MAN2A1: variants seen among roughly 807,000 people sequenced by gnomAD.
The protein encoded by MAN2A1 is mannosidase alpha class 2A member 1, also known as alpha-mannosidase 2.
A neutral mutation model predicts 142.6 loss-of-function variants in MAN2A1; 76 were observed. The ratio of observed to expected loss-of-function variants is 0.53; its 90% CI spans 0.44 to 0.65. The LOEUF (loss-of-function observed/expected upper bound fraction) is 0.65. Ranked by LOEUF, MAN2A1 falls within the 30% of genes least tolerant of loss-of-function variation. The pLI, the probability that MAN2A1 is intolerant of heterozygous loss-of-function variation, is 0.00. For synonymous variants in MAN2A1, 559 were observed against 473.2 expected (o/e 1.18, Z -2.35); for missense variants, 1,311 against 1,365.1 (o/e 0.96, Z 0.62).
At chr5:109,786,799 A>G (rs1753606068) in intron 10 of MAN2A1, among the ~76,000 whole-genome samples, 1 of 152,040 alleles carries the variant, frequency 6.6e-6, no homozygotes, top group African/African-American at 2.4e-5. Flanking sequence ...AAGTTTATGA[A>G]TTAGGGGTGC....
At chr5:109,815,033 G>A (rs1043910022) in intron 12 of MAN2A1, among the ~76,000 whole-genome samples, 12 of 152,074 alleles carry the variant, frequency 7.9e-5, no homozygotes, top group African/African-American at 1.9e-4. Context: ...TAAGCCTCTG[G>A]GAACATGGGT....
intron 4 of MAN2A1, among the ~76,000 whole-genome samples, chr5:109,735,884 T>TTG (rs1331426602): frequency 6.7e-6 from 1 of 148,154 alleles, no homozygotes; most frequent in South Asian, 2.1e-4. Flanking sequence ...TGGAGTTTTT[T>TTG]TTTTTTTTTT....
At chr5:109,815,130 C>T (rs998170981) in intron 12 of MAN2A1, among the ~76,000 whole-genome samples, 1 of 152,136 alleles carries the variant, frequency 6.6e-6, no homozygotes, top group African/African-American at 2.4e-5. Context: ...TTTTCTTCCC[C>T]ATTGCACCTT....
chr5:109,833,686 CTG>C (rs1318745336), intron 16 of MAN2A1, among the ~76,000 whole-genome samples: 2 of 59,596 alleles, frequency 3.4e-5, no homozygotes, highest in Non-Finnish European at 6.1e-5. Flanking sequence ...GAGAGGGAGA[CTG>C]TGGGGAGGGG....
chr5:109,787,775 G>C (rs938775102), intron 10 of MAN2A1, among the ~76,000 whole-genome samples: 2 of 151,822 alleles, frequency 1.3e-5, no homozygotes, highest in Admixed American at 6.6e-5. Context: ...TTAGATTGAG[G>C]GTCTTGCTGT....
intron 12 of MAN2A1, among the ~76,000 whole-genome samples, chr5:109,796,804 G>A (rs1753875116): frequency 6.6e-6 from 1 of 152,190 alleles, no homozygotes; most frequent in Non-Finnish European, 1.5e-5. Context: ...ATCCATGCAT[G>A]TGAGCCTATT....
intron 2 of MAN2A1, 123 bp downstream of exon 2, chr5:109,713,897 T>C: frequency 2.3e-6 from 2 of 859,440 alleles, no homozygotes; most frequent in Non-Finnish European, 3.5e-6. Flanking sequence ...GTTTCTCTTT[T>C]TGTAAAGTAT....
At chr5:109,822,779 G>T (rs1319168189) in intron 15 of MAN2A1, among the ~76,000 whole-genome samples, 6 of 151,976 alleles carry the variant, frequency 3.9e-5, no homozygotes, top group South Asian at 4.1e-4. Flanking sequence ...CTGGGTTCAC[G>T]CCATTTTCCT....
Position 109,867,855 on chromosome 5 carries a change from T to A in MAN2A1, c.*857T>A, listed in dbSNP as rs1755924375. ...ATGTGCCTTATTTTTTTATAAGTCT[T>A]GTTAAATCAGTGTCCATATTACTGT... On this transcript the variant is annotated 3_prime_UTR_variant, in exon 22 of 22. Coordinates refer to ENST00000261483, the MANE Select transcript of MAN2A1 (RefSeq NM_002372.4). 1 of 152,150 alleles carries A rather than the reference T, an allele frequency of 6.6e-6. No homozygotes were observed. The highest frequency in any genetic ancestry group is 2.4e-5 in the African/African-American group (1 of 41,436). 9.4% of individuals were successfully genotyped at this position (152,150 alleles called of 1,614,324 possible).
At chr5:109,851,696 T>C (rs1007302946) in intron 19 of MAN2A1, among the ~76,000 whole-genome samples, 5 of 152,140 alleles carry the variant, frequency 3.3e-5, no homozygotes, top group Non-Finnish European at 7.4e-5. Context: ...AAACAGGCAT[T>C]GACGGCTTTA....
chr5:109,737,139 G>T (rs1752125774), intron 4 of MAN2A1, among the ~76,000 whole-genome samples: 1 of 135,530 alleles, frequency 7.4e-6, no homozygotes, highest in Admixed American at 8.4e-5. Context: ...TGTCACCCAG[G>T]CTGAAGTGCA....
In MAN2A1 at chr5:109,833,471, C is replaced by A. The variant is rs569968427; in HGVS notation, c.2567-8857C>A. Among the ~76,000 whole-genome samples the A allele has an allele frequency of 2.0e-5, 3 of 152,258 alleles. No homozygotes were observed. The South Asian group carries it at 6.2e-4, about 32-fold the overall frequency. ...TCACTCGTGGTTAGGAGCTGGAGAC[C>A]AGCCCGGCCAACACGGCAAAACCCC... is the stretch of plus-strand genomic sequence containing the variant. On this transcript the variant is annotated intron_variant, in intron 16 of 21. Coordinates refer to ENST00000261483, the MANE Select transcript of MAN2A1 (RefSeq NM_002372.4).
chr5:109,800,088 CAAA>C lies in MAN2A1; in HGVS notation c.1943+10577_1943+10579del, dbSNP rs3065546. On this transcript the variant is annotated intron_variant, in intron 12 of 21. Transcript: ENST00000261483. ...GGGCAACAGAGTGAGACTGTTGTCT[CAAA>C]AAAAAAAAAAAAAAACAACCTCAGA... Among the ~76,000 whole-genome samples, 511 of 124,054 alleles carry C rather than the reference CAAA, an allele frequency of 4.1e-3. 5 individuals carry two copies. The highest frequency in any genetic ancestry group is 0.013 in the African/African-American group (441 of 34,360). 81.4% of individuals were successfully genotyped at this position (124,054 alleles called of 152,430 possible).
At chr5:109,696,321 G>A (rs1232688527) in intron 1 of MAN2A1, among the ~76,000 whole-genome samples, 9 of 152,112 alleles carry the variant, frequency 5.9e-5, no homozygotes, top group African/African-American at 2.2e-4. Flanking sequence ...GGATGGTCTC[G>A]ATCTCCTGAT....
chr5:109,739,180 C>G (rs1391227794), intron 4 of MAN2A1, among the ~76,000 whole-genome samples: 1 of 151,782 alleles, frequency 6.6e-6, no homozygotes, highest in Admixed American at 6.6e-5. Context: ...TTTTTTTTCT[C>G]TTCTCTCTTA....
chr5:109,723,986 T>C (rs1751675516), intron 3 of MAN2A1, among the ~76,000 whole-genome samples: 1 of 152,256 alleles, frequency 6.6e-6, no homozygotes, highest in Non-Finnish European at 1.5e-5. Flanking sequence ...GCAAGGTACA[T>C]GTTTGAATGA....
intron 7 of MAN2A1, among the ~76,000 whole-genome samples, chr5:109,773,653 C>G (rs1753209375): frequency 1.3e-5 from 2 of 151,898 alleles, no homozygotes; most frequent in African/African-American, 4.8e-5. Flanking sequence ...TTTTACTCAC[C>G]AAGGTATTAT....
intron 4 of MAN2A1, among the ~76,000 whole-genome samples, chr5:109,731,605 T>C (rs1437662045): frequency 1.4e-5 from 2 of 146,612 alleles, no homozygotes; most frequent in Admixed American, 7.0e-5. Context: ...AGTGAGAACA[T>C]GTGGTGTTTG....
At chr5:109,752,046 G>A (rs898411255) in intron 4 of MAN2A1, among the ~76,000 whole-genome samples, 2 of 151,884 alleles carry the variant, frequency 1.3e-5, no homozygotes, top group Non-Finnish European at 2.9e-5. Context: ...CTTTCTCAAC[G>A]CAATTGCACT....
Sources: gnomAD v4.1 joint callset for allele counts (sites outside exome capture counted in the v4.1 genomes callset) on GRCh38, gnomAD v4.1.1 for gene constraint, MANE v1.5 for transcripts, NCBI Gene and HGNC (gene_info 2026-07-23, HGNC 2026-07-21) for gene names.